SLIT3: variants seen among roughly 807,000 people sequenced by gnomAD.
SLIT3 encodes slit guidance ligand 3.
Under a neutral mutation model 184.0 loss-of-function variants are expected in SLIT3, and 68 were observed. That is an observed-to-expected ratio of 0.37 (90% CI 0.30 to 0.45). The LOEUF (loss-of-function observed/expected upper bound fraction) is 0.45, where lower values mean the gene tolerates loss of function less well. Among genes scored for constraint, SLIT3 ranks in the 20% least tolerant of loss-of-function variants. The probability of loss-of-function intolerance (pLI) is 1.00; values close to 1 mark genes in which losing one functional copy is unlikely to be tolerated. For missense variants in SLIT3, 1,707 were observed against 2,026.0 expected, an observed-to-expected ratio of 0.84 and a Z score of 3.02; for synonymous variants, 831 against 828.6, an observed-to-expected ratio of 1.00 and a Z score of -0.05.
At chr5:169,153,173 A>T (rs1163026100) in intron 4 of SLIT3, among the ~76,000 whole-genome samples, 2 of 152,204 alleles carry the variant, frequency 1.3e-5, no homozygotes, top group Admixed American at 1.3e-4. Context: ...CCTCAAATCA[A>T]GCTATGTCGC....
chr5:168,932,708 C>A (rs1762030900), intron 4 of SLIT3, among the ~76,000 whole-genome samples: 1 of 152,176 alleles, frequency 6.6e-6, no homozygotes, highest in Non-Finnish European at 1.5e-5. Flanking sequence ...CAAATTCTTA[C>A]CCTCATAGTT....
chr5:168,857,863 G>A (rs550603126), intron 5 of SLIT3, among the ~76,000 whole-genome samples: 14 of 152,348 alleles, frequency 9.2e-5, no homozygotes, highest in Non-Finnish European at 1.9e-4. Flanking sequence ...TCAACGGTGT[G>A]CCTATCAGGT....
At chr5:169,246,509 ATT>A (rs1231959727) in intron 2 of SLIT3, among the ~76,000 whole-genome samples, 1 of 152,220 alleles carries the variant, frequency 6.6e-6, no homozygotes, top group Non-Finnish European at 1.5e-5. Flanking sequence ...CCTCTCTCAG[ATT>A]CAGTTTCTTC....
intron 3 of SLIT3, among the ~76,000 whole-genome samples, chr5:169,216,497 G>T (rs981323389): frequency 4.6e-5 from 7 of 152,208 alleles, no homozygotes; most frequent in African/African-American, 1.7e-4. Context: ...GAAAGGCTCT[G>T]ATAGAAACAG....
chr5:168,678,775 GAAA>G (rs144973222), intron 32 of SLIT3, among the ~76,000 whole-genome samples: 1 of 151,514 alleles, frequency 6.6e-6, no homozygotes, highest in African/African-American at 2.4e-5. Context: ...AAAAGTAGAG[GAAA>G]AAAAAGGAAA....
chr5:168,905,494 G>C (rs1312264275), intron 4 of SLIT3, among the ~76,000 whole-genome samples: 1 of 152,216 alleles, frequency 6.6e-6, no homozygotes, highest in Non-Finnish European at 1.5e-5. Context: ...GAAAAGGCAA[G>C]GAAAGTAGTG....
intron 6 of SLIT3, among the ~76,000 whole-genome samples, chr5:168,829,563 G>T (rs2113682873): frequency 6.6e-6 from 1 of 152,290 alleles, no homozygotes; most frequent in African/African-American, 2.4e-5. Flanking sequence ...GGAGACTCTT[G>T]GTAAGTCATC....
At chr5:168,754,340 C>A (rs769984939) in intron 16 of SLIT3, among the ~76,000 whole-genome samples, 1 of 152,310 alleles carries the variant, frequency 6.6e-6, no homozygotes, top group South Asian at 2.1e-4. Context: ...TTTGCAGCAA[C>A]ATGAATGGCA....
At chr5:169,126,627 A>G (rs1761089628) in intron 4 of SLIT3, among the ~76,000 whole-genome samples, 1 of 152,236 alleles carries the variant, frequency 6.6e-6, no homozygotes, top group Admixed American at 6.5e-5. Context: ...CTTTGCTCAG[A>G]CACAGGCTCT....
chr5:168,911,212 A>G (rs1766441248), intron 4 of SLIT3, among the ~76,000 whole-genome samples: 1 of 152,190 alleles, frequency 6.6e-6, no homozygotes, highest in South Asian at 2.1e-4. Context: ...AGGAATAATT[A>G]TTGTGCATAT....
At chr5:169,028,335 T>C (rs1032981283) in intron 4 of SLIT3, among the ~76,000 whole-genome samples, 2 of 152,174 alleles carry the variant, frequency 1.3e-5, no homozygotes, top group African/African-American at 4.8e-5. Flanking sequence ...CTCAGGGTCA[T>C]ACATGTCCCA....
chr5:168,766,925 TCA>T (rs1246116774), intron 14 of SLIT3, among the ~76,000 whole-genome samples: 2 of 152,366 alleles, frequency 1.3e-5, no homozygotes, highest in Non-Finnish European at 2.9e-5. Context: ...CCCTATCAAA[TCA>T]CAGTTTTTAA....
At chr5:168,695,831 G>C (rs1313840211) in intron 28 of SLIT3, among the ~76,000 whole-genome samples, 3 of 152,052 alleles carry the variant, frequency 2.0e-5, no homozygotes, top group African/African-American at 7.2e-5. Flanking sequence ...CCACGCCTCT[G>C]TCCACCTGAC....
intron 1 of SLIT3, among the ~76,000 whole-genome samples, chr5:169,273,694 T>G (rs1450837524): frequency 6.6e-6 from 1 of 152,150 alleles, no homozygotes; most frequent in Non-Finnish European, 1.5e-5. Flanking sequence ...CAACTTATGC[T>G]TTGAGGCTGA....
At chr5:168,813,960 C>T (rs1000562601) in intron 8 of SLIT3, among the ~76,000 whole-genome samples, 1 of 152,158 alleles carries the variant, frequency 6.6e-6, no homozygotes, top group South Asian at 2.1e-4. Context: ...TAATTGCTAC[C>T]CCAATGCCTC....
At chr5:168,833,697 A>G (rs913526135) in intron 6 of SLIT3, among the ~76,000 whole-genome samples, 4 of 152,232 alleles carry the variant, frequency 2.6e-5, no homozygotes, top group Non-Finnish European at 5.9e-5. Flanking sequence ...CTGTCTGCTA[A>G]TATAGGGGCA....
intron 4 of SLIT3, among the ~76,000 whole-genome samples, chr5:168,908,478 A>C (rs1384640216): frequency 6.6e-6 from 1 of 152,180 alleles, no homozygotes; most frequent in Non-Finnish European, 1.5e-5. Context: ...GACGGGAGAC[A>C]CTGAAGAGCC....
chr5:169,087,539 C>T (rs1759357346), intron 4 of SLIT3, among the ~76,000 whole-genome samples: 3 of 152,178 alleles, frequency 2.0e-5, no homozygotes, highest in African/African-American at 7.2e-5. Flanking sequence ...TTAGGAACAA[C>T]CTATGTGCCT....
chr5:169,264,011 T>C (rs1766304218), intron 1 of SLIT3, among the ~76,000 whole-genome samples: 1 of 151,528 alleles, frequency 6.6e-6, no homozygotes, highest in African/African-American at 2.4e-5. Flanking sequence ...TTATCAGTAT[T>C]ATCAATGTTT....
Sources: allele counts gnomAD v4.1 joint callset (sites outside exome capture counted in the v4.1 genomes callset), GRCh38; gene constraint gnomAD v4.1.1; transcripts MANE v1.5; gene names NCBI Gene and HGNC (gene_info 2026-07-23, HGNC 2026-07-21).